The following MAPK10 variants were observed in gnomAD, a reference collection of about 807,000 sequenced individuals.
MAPK10 encodes mitogen-activated protein kinase 10.
MAPK10 carries 25 observed loss-of-function variants against 59.3 expected under a neutral mutation model. That is an observed-to-expected ratio of 0.42 (90% CI 0.31 to 0.59). MAPK10 has a LOEUF of 0.59. MAPK10 is among the 20% of genes least tolerant of loss of function. The pLI is 0.15. For synonymous variants in MAPK10, 190 were observed against 200.5 expected (o/e 0.95, Z 0.44); for missense variants, 351 against 568.9 (o/e 0.62, Z 3.90).
chr4:86,020,365 T>C (rs1030223704), intron 13 of MAPK10: 1 of 152,266 alleles, frequency 6.6e-6, no homozygotes, highest in African/African-American at 2.4e-5. Flanking sequence ...GTTTCAACTT[T>C]TTGGCTATTA....
chr4:86,069,982 T>C (rs574694621), intron 9 of MAPK10, among the ~76,000 whole-genome samples: 31 of 152,318 alleles, frequency 2.0e-4, no homozygotes, highest in African/African-American at 6.7e-4. Flanking sequence ...AAATAAGAAT[T>C]GTTAAAATGT....
chr4:86,401,224 G>A (rs4597789), intron 1 of MAPK10, among the ~76,000 whole-genome samples: 76,287 of 151,916 alleles, frequency 0.5, 19,151 homozygotes, highest in Admixed American at 0.53. Flanking sequence ...CTGGACTCCT[G>A]TATATAGAAT....
At chr4:86,577,043 C>T (rs1474714158) in intron 1 of MAPK10, among the ~76,000 whole-genome samples, 3 of 152,138 alleles carry the variant, frequency 2.0e-5, no homozygotes, top group Non-Finnish European at 4.4e-5. Context: ...TTGGCTTACA[C>T]ATGTAATCGC....
intron 1 of MAPK10, among the ~76,000 whole-genome samples, chr4:86,386,225 T>A (rs1438405761): frequency 6.6e-6 from 1 of 152,214 alleles, no homozygotes; most frequent in Non-Finnish European, 1.5e-5. Flanking sequence ...CTGGTTGACA[T>A]TGGAGATACG....
intron 2 of MAPK10, among the ~76,000 whole-genome samples, chr4:86,209,176 G>T (rs2085075245): frequency 6.6e-6 from 1 of 152,064 alleles, no homozygotes; most frequent in Non-Finnish European, 1.5e-5. Flanking sequence ...AACCTACCAT[G>T]AGAGAAATGT....
At chr4:86,561,330 A>G (rs528693811) in intron 1 of MAPK10, among the ~76,000 whole-genome samples, 162 of 152,334 alleles carry the variant, frequency 1.1e-3, no homozygotes, top group Admixed American at 2.5e-3. Context: ...TTATGCTAAA[A>G]TGTGAGTAAT....
Position 86,102,543 on chromosome 4 carries a change from C to T in MAPK10, c.426-511G>A, listed in dbSNP as rs145681898. The T allele has an allele frequency of 7.6e-4, 117 of 153,690 alleles. No individual in the cohort carries two copies. The East Asian group carries it at 0.01, about 13-fold the overall frequency. 9.5% of individuals were successfully genotyped at this position (153,690 alleles called of 1,614,324 possible). On this transcript the variant is annotated intron_variant, in intron 6 of 13. Transcript: ENST00000641462. ...TTCTTTTTGTTTGTTTGTTTTGAGA[C>T]GGAGTCTCGCTCCGTCACCCAGGCT...
intron 1 of MAPK10, among the ~76,000 whole-genome samples, chr4:86,373,612 C>T (rs1176295651): frequency 1.3e-5 from 2 of 152,162 alleles, no homozygotes; most frequent in Non-Finnish European, 1.5e-5. Flanking sequence ...ACAGATACTT[C>T]TCAAAAGAAG....
intron 2 of MAPK10, among the ~76,000 whole-genome samples, chr4:86,310,551 C>T (rs1188249591): frequency 6.6e-6 from 1 of 152,012 alleles, no homozygotes; most frequent in African/African-American, 2.4e-5. Flanking sequence ...ATTGGATTTA[C>T]CACAAGTAAC....
chr4:86,463,433 G>A lies in MAPK10; in HGVS notation c.-262-108789C>T, dbSNP rs934737864. Among the ~76,000 whole-genome samples the A allele has an allele frequency of 1.1e-4, 17 of 152,242 alleles. No homozygotes were observed. The East Asian group carries it at 1.4e-3, about 12-fold the overall frequency. ...GTAGGGCAAGCAATTGAACCTACTC[G>A]TAAAAAATTTTCACAGTGTTACATT... is the stretch of plus-strand genomic sequence containing the variant. On this transcript the variant is annotated intron_variant, in intron 1 of 4. Coordinates refer to the MAPK10 transcript ENST00000502302.
At chr4:86,046,894 G>A (rs1021087466) in intron 11 of MAPK10, among the ~76,000 whole-genome samples, 1 of 152,092 alleles carries the variant, frequency 6.6e-6, no homozygotes. Context: ...AAGAGTCACT[G>A]TCTCTCTTTT....
intron 2 of MAPK10, among the ~76,000 whole-genome samples, chr4:86,264,242 TC>T (rs761883628): frequency 2.4e-4 from 36 of 152,356 alleles, no homozygotes; most frequent in Non-Finnish European, 4.7e-4. Context: ...TGTATAATTT[TC>T]CTTTAACATT....
At chr4:86,256,604 C>A (rs2093721448) in intron 2 of MAPK10, among the ~76,000 whole-genome samples, 1 of 151,834 alleles carries the variant, frequency 6.6e-6, no homozygotes. Context: ...CAAATAGCCA[C>A]ATTATAGGTA....
intron 11 of MAPK10, among the ~76,000 whole-genome samples, chr4:86,049,518 A>T (rs940315209): frequency 6.6e-5 from 10 of 152,048 alleles, no homozygotes; most frequent in African/African-American, 2.4e-4. Context: ...ACATGATAGG[A>T]ACTGATAACA....
intron 9 of MAPK10, chr4:86,079,454 A>G (rs555858403): frequency 6.6e-6 from 1 of 152,164 alleles, no homozygotes; most frequent in Non-Finnish European, 1.5e-5. Context: ...CTCTTACAAG[A>G]CTAATTTTTT....
intron 2 of MAPK10, among the ~76,000 whole-genome samples, chr4:86,354,165 T>C (rs1229156867): frequency 6.6e-6 from 1 of 152,072 alleles, no homozygotes; most frequent in Non-Finnish European, 1.5e-5. Flanking sequence ...CCAATTTTTC[T>C]ACTAAAGGAG....
intron 11 of MAPK10, among the ~76,000 whole-genome samples, chr4:86,052,648 A>T (rs556365864): frequency 2.0e-5 from 3 of 152,112 alleles, no homozygotes; most frequent in Non-Finnish European, 2.9e-5. Flanking sequence ...TGCTATAAAC[A>T]TTTGTTACGT....
intron 1 of MAPK10, among the ~76,000 whole-genome samples, chr4:86,492,817 C>A (rs1754573226): frequency 6.6e-6 from 1 of 152,040 alleles, no homozygotes; most frequent in Non-Finnish European, 1.5e-5. Flanking sequence ...AATATGCTGA[C>A]AATACCTATT....
chr4:86,262,242 T>C (rs909402227), intron 2 of MAPK10, among the ~76,000 whole-genome samples: 2 of 152,292 alleles, frequency 1.3e-5, no homozygotes, highest in East Asian at 1.9e-4. Context: ...CCCTCTCTCA[T>C]GCACATACAA....
Sources: gnomAD v4.1 joint callset for allele counts (sites outside exome capture counted in the v4.1 genomes callset) on GRCh38, gnomAD v4.1.1 for gene constraint, MANE v1.5 for transcripts, NCBI Gene and HGNC (gene_info 2026-07-23, HGNC 2026-07-21) for gene names.